THSD7B: variants seen among roughly 807,000 people sequenced by gnomAD.
THSD7B encodes thrombospondin type 1 domain containing 7B.
Under a neutral mutation model 213.6 loss-of-function variants are expected in THSD7B, and 138 were observed. The ratio of observed to expected loss-of-function variants is 0.65; its 90% CI spans 0.56 to 0.74. The LOEUF is 0.74. Ranked by LOEUF, THSD7B falls within the 30% of genes least tolerant of loss-of-function variation. The pLI, the probability that THSD7B is intolerant of heterozygous loss-of-function variation, is 0.00. For missense variants in THSD7B, 1,931 were observed against 1,991.5 expected, an observed-to-expected ratio of 0.97 and a Z score of 0.58; for synonymous variants, 742 against 687.0, an observed-to-expected ratio of 1.08 and a Z score of -1.25.
intron 1 of THSD7B, among the ~76,000 whole-genome samples, chr2:136,805,463 G>T (rs1457195437): frequency 6.6e-6 from 1 of 152,166 alleles, no homozygotes; most frequent in African/African-American, 2.4e-5. Context: ...CCAAAGTGGT[G>T]GCCATGAGAA....
At chr2:137,650,317 G>A (rs1683113494) in intron 21 of THSD7B, among the ~76,000 whole-genome samples, 1 of 151,934 alleles carries the variant, frequency 6.6e-6, no homozygotes, top group African/African-American at 2.4e-5. Flanking sequence ...AAATTGATTT[G>A]CAGGTGTTTT....
At chr2:137,147,805 A>G (rs1346961572) in intron 5 of THSD7B, among the ~76,000 whole-genome samples, 1 of 152,068 alleles carries the variant, frequency 6.6e-6, no homozygotes. Flanking sequence ...CCTCTTTCTT[A>G]CCGGATCTTC....
chr2:137,345,639 A>G (rs1272641134), intron 12 of THSD7B, among the ~76,000 whole-genome samples: 2 of 151,578 alleles, frequency 1.3e-5, no homozygotes, highest in Admixed American at 6.6e-5. Context: ...TTAAAGAAAT[A>G]ATGACTGTGA....
chr2:136,774,646 A>G (rs1681568834), intron 1 of THSD7B, among the ~76,000 whole-genome samples: 2 of 152,232 alleles, frequency 1.3e-5, no homozygotes, highest in African/African-American at 4.8e-5. Flanking sequence ...ATCTTACTTC[A>G]GTTACTTTTA....
intron 7 of THSD7B, among the ~76,000 whole-genome samples, chr2:137,184,905 T>C (rs1680522709): frequency 6.6e-6 from 1 of 152,202 alleles, no homozygotes; most frequent in South Asian, 2.1e-4. Flanking sequence ...TCTCCCAAAA[T>C]GAAATTATTG....
At chr2:137,610,659 C>G (rs192023866) in intron 17 of THSD7B, among the ~76,000 whole-genome samples, 2 of 152,216 alleles carry the variant, frequency 1.3e-5, no homozygotes, top group African/African-American at 4.8e-5. Flanking sequence ...CCTAATTTAT[C>G]TAGATAGGCT....
intron 15 of THSD7B, among the ~76,000 whole-genome samples, chr2:137,546,022 A>G (rs1167184037): frequency 1.3e-5 from 2 of 151,452 alleles, no homozygotes; most frequent in African/African-American, 4.8e-5. Flanking sequence ...ATATTGTCTT[A>G]TTACTGTCAT....
At chr2:137,522,650 T>C (rs947419341) in intron 15 of THSD7B, among the ~76,000 whole-genome samples, 21 of 152,216 alleles carry the variant, frequency 1.4e-4, no homozygotes, top group African/African-American at 4.6e-4. Context: ...GACTTTCCTT[T>C]GCATTATTTT....
At chr2:137,361,683 A>G (rs973256534) in intron 12 of THSD7B, among the ~76,000 whole-genome samples, 1 of 152,212 alleles carries the variant, frequency 6.6e-6, no homozygotes, top group African/African-American at 2.4e-5. Context: ...AGTTTAAAGT[A>G]AAAACAGTAA....
chr2:137,156,135 T>G (rs1054225201), intron 5 of THSD7B: 7 of 152,174 alleles, frequency 4.6e-5, no homozygotes, highest in African/African-American at 1.4e-4. Flanking sequence ...AACATAGAAA[T>G]ATCCTGTGTT....
At chr2:137,504,022 T>A in intron 15 of THSD7B, among the ~76,000 whole-genome samples, 1 of 132,708 alleles carries the variant, frequency 7.5e-6, no homozygotes, top group Non-Finnish European at 1.6e-5. Context: ...TGAGACTCCA[T>A]CTCAAAAAAA....
intron 12 of THSD7B, among the ~76,000 whole-genome samples, chr2:137,381,976 C>T (rs1157854462): frequency 6.6e-6 from 1 of 152,190 alleles, no homozygotes; most frequent in Non-Finnish European, 1.5e-5. Context: ...CAACGTACGG[C>T]AAGTGCTGGC....
chr2:137,052,442 G>A (rs1328161363), intron 2 of THSD7B, among the ~76,000 whole-genome samples: 1 of 151,550 alleles, frequency 6.6e-6, no homozygotes, highest in African/African-American at 2.4e-5. Context: ...TTATTACTTG[G>A]TGTCTGTTTT....
chr2:137,340,981 GTTT>G (rs70978213), intron 12 of THSD7B, among the ~76,000 whole-genome samples: 8 of 98,656 alleles, frequency 8.1e-5, no homozygotes, highest in Admixed American at 1.1e-4. Context: ...TTCTCTTTTT[GTTT>G]TTTTTTTTTT....
At chr2:137,655,783 T>G in intron 22 of THSD7B, 123 bp downstream of exon 22, 1 of 1,222,454 alleles carries the variant, frequency 8.2e-7, no homozygotes, top group Non-Finnish European at 1.1e-6. Context: ...TAATTCATTT[T>G]TAATTGTGGT....
intron 5 of THSD7B, among the ~76,000 whole-genome samples, chr2:137,135,010 C>A (rs992664428): frequency 2.0e-5 from 3 of 152,152 alleles, no homozygotes; most frequent in African/African-American, 7.2e-5. Context: ...TCAGTTTCTT[C>A]TGAGCCTAAG....
chr2:137,092,177 C>T (rs765228951), intron 3 of THSD7B, among the ~76,000 whole-genome samples: 1 of 152,112 alleles, frequency 6.6e-6, no homozygotes, highest in Non-Finnish European at 1.5e-5. Flanking sequence ...CTTTGGGAGA[C>T]CAAGTCAGGT....
intron 2 of THSD7B, among the ~76,000 whole-genome samples, chr2:136,908,062 T>C (rs372033352): frequency 2.0e-5 from 3 of 152,210 alleles, no homozygotes; most frequent in Non-Finnish European, 4.4e-5. Context: ...TTTCACAGAA[T>C]TTGACAGCCT....
At chr2:137,112,916 C>G (rs1349380891) in intron 4 of THSD7B, among the ~76,000 whole-genome samples, 4 of 152,208 alleles carry the variant, frequency 2.6e-5, no homozygotes, top group Middle Eastern at 3.4e-3. Context: ...CTCCCTTGTA[C>G]AGGTAGGAAA....
Sources: gnomAD v4.1 joint callset for allele counts (sites outside exome capture counted in the v4.1 genomes callset) on GRCh38, gnomAD v4.1.1 for gene constraint, MANE v1.5 for transcripts, NCBI Gene and HGNC (gene_info 2026-07-23, HGNC 2026-07-21) for gene names.